PRRC2C: variants seen among roughly 807,000 people sequenced by gnomAD.
PRRC2C encodes proline rich coiled-coil 2C.
A neutral mutation model predicts 317.2 loss-of-function variants in PRRC2C; 72 were observed. The observed-to-expected ratio is 0.23, with a 90% CI of 0.19 to 0.28. The LOEUF is 0.28. PRRC2C is among the 10% of genes least tolerant of loss of function. The pLI, the probability that PRRC2C is intolerant of heterozygous loss-of-function variation, is 1.00. For synonymous variants in PRRC2C, 1,296 were observed against 1,205.9 expected (o/e 1.07, Z -1.55); for missense variants, 3,074 against 3,459.7 (o/e 0.89, Z 2.80).
chr1:171,538,677 T>G (rs2102475256), intron 15 of PRRC2C, among the ~76,000 whole-genome samples: 1 of 152,356 alleles, frequency 6.6e-6, no homozygotes, highest in African/African-American at 2.4e-5. Context: ...AACTTTGTTT[T>G]TCCTTAAGGA....
chr1:171,514,425 A>G lies in PRRC2C; in HGVS notation c.291-111A>G, dbSNP rs569499490. ...GAAAACATTTATTGGAGATTTACCA[A>G]TGAATAAACATATAGCCAAAATAAT... is the stretch of plus-strand genomic sequence containing the variant. On this transcript the variant is annotated intron_variant, in intron 3 of 34. Coordinates refer to ENST00000647382, the MANE Select transcript of PRRC2C (RefSeq NM_001387844.1). 145 of 746,174 alleles carry G rather than the reference A, an allele frequency of 1.9e-4. 1 individual carries two copies. Among genetic ancestry groups the G allele is most frequent in the Non-Finnish European group, 3.0e-4 (142 of 473,578 alleles). 46.2% of individuals were successfully genotyped at this position (746,174 alleles called of 1,614,324 possible).
At chr1:171,542,406 G>A (rs995702006) in intron 16 of PRRC2C, among the ~76,000 whole-genome samples, 177 bp downstream of exon 16, 2 of 152,208 alleles carry the variant, frequency 1.3e-5, no homozygotes, top group Admixed American at 6.5e-5. Context: ...GAGAGGTTAA[G>A]GTGTCTTAGG....
At chr1:171,561,356 G>A (rs1454393944) in intron 20 of PRRC2C, among the ~76,000 whole-genome samples, 3 of 152,176 alleles carry the variant, frequency 2.0e-5, no homozygotes, top group Non-Finnish European at 4.4e-5. Context: ...TGGAGCTGAG[G>A]TTGGACTGTC....
chr1:171,572,949 G>A (rs953827319), intron 24 of PRRC2C, among the ~76,000 whole-genome samples: 2 of 151,798 alleles, frequency 1.3e-5, no homozygotes, highest in African/African-American at 2.4e-5. Flanking sequence ...CCTTTTTGTT[G>A]GAGTAATACA....
At chr1:171,504,094 C>T (rs187769338) in intron 1 of PRRC2C, among the ~76,000 whole-genome samples, 2 of 152,256 alleles carry the variant, frequency 1.3e-5, no homozygotes, top group East Asian at 3.9e-4. Flanking sequence ...CATATGCTTA[C>T]TTACCATTTG....
chr1:171,569,046 A>G (rs1326642643), intron 23 of PRRC2C, among the ~76,000 whole-genome samples: 1 of 152,188 alleles, frequency 6.6e-6, no homozygotes, highest in Admixed American at 6.5e-5. Context: ...GCCCAGAAAC[A>G]TTAGGTAGCT....
intron 11 of PRRC2C, among the ~76,000 whole-genome samples, chr1:171,530,108 A>G (rs1396723056): frequency 6.6e-6 from 1 of 152,236 alleles, no homozygotes; most frequent in East Asian, 1.9e-4. Context: ...TCTTCGATAA[A>G]TAAGACCTTG....
intron 30 of PRRC2C, 106 bp downstream of exon 30, chr1:171,584,632 G>C (rs892657121): frequency 8.9e-6 from 12 of 1,340,966 alleles, no homozygotes; most frequent in Admixed American, 2.6e-5. Flanking sequence ...GATGGAGGAT[G>C]GTTTTTAAAC....
chr1:171,536,173 T>C lies in PRRC2C; in HGVS notation c.2188T>C (p.Leu730=). The C allele has an allele frequency of 6.2e-7, 1 of 1,612,318 alleles. No homozygotes were observed. Among genetic ancestry groups the C allele is most frequent in the Non-Finnish European group, 8.5e-7 (1 of 1,179,208 alleles). ...YQPMQPHPQH[L]ASMGFDPRWL... ...GCCTATGCAGCCTCATCCTCAGCAT[T>C]TGGCTTCTATGGGTTTTGATCCAAG... is the stretch of plus-strand genomic sequence containing the variant. The change falls in exon 14 of 35, where the codon TTG becomes CTG. Residue 730 remains leucine (L), a synonymous_variant. Transcript: ENST00000647382.
intron 23 of PRRC2C, among the ~76,000 whole-genome samples, chr1:171,570,212 A>C (rs1572066636): frequency 6.6e-6 from 1 of 152,200 alleles, no homozygotes; most frequent in East Asian, 1.9e-4. Context: ...AATGTCCTTC[A>C]TGGGAAAAAA....
intron 28 of PRRC2C, 41 bp downstream of exon 28, chr1:171,580,005 C>T (rs936047705): frequency 4.2e-6 from 6 of 1,421,560 alleles, no homozygotes; most frequent in Non-Finnish European, 5.6e-6. Flanking sequence ...ATGTTGAAAA[C>T]ATTGTAACTG....
At position 171,574,975 on chromosome 1, in the gene PRRC2C, A is replaced by G. The variant is rs751555936; in HGVS notation, c.6802A>G (p.Lys2268Glu). 2.5e-6 allele frequency: 4 copies of G among 1,613,902 alleles called. No homozygotes were observed. In the South Asian group the frequency reaches 4.4e-5, roughly 18 times the overall value. ...GGAGAATTCTCCAAATGTAAGGGAA[A>G]AGGGGTCTCCAGTAACTTCCACAGC... Reference protein sequence around the residue: ...AWENSPNVREKGSPVTSTAPP... With the variant: ...AWENSPNVREEGSPVTSTAPP... The change falls in exon 25 of 35, where the codon AAG becomes GAG. Residue 2268 changes from lysine to glutamate, a missense_variant. Around this residue, in one of 11 missense-constraint regions of PRRC2C, gnomAD observed 490 missense variants for 663.1 expected, o/e 0.74. Coordinates refer to ENST00000647382, the MANE Select transcript of PRRC2C (RefSeq NM_001387844.1).
chr1:171,496,199 C>CTTTTTTTTTTTTTT lies in PRRC2C; in HGVS notation c.-58+10475_-58+10488dup, dbSNP rs528654548. 4.2e-3 allele frequency among the ~76,000 whole-genome samples: 321 copies of CTTTTTTTTTTTTTT among 75,620 alleles called. 29 individuals carry two copies. Among genetic ancestry groups the CTTTTTTTTTTTTTT allele is most frequent in the Non-Finnish European group, 5.1e-3 (227 of 44,466 alleles). The allele number at this position is 75,620 out of a possible 152,430, so 49.6% of individuals were successfully genotyped here. A position where few individuals can be genotyped will look rare whatever the true frequency, so the allele number is the denominator to read the frequency against. ...ATTTTTAGAGCTTTGATTTTTGTGCCTTTTTTTTTTTTTTTTTTTTTTTTG... is the reference window on the plus strand; with the variant it reads ...ATTTTTAGAGCTTTGATTTTTGTGCCTTTTTTTTTTTTTTTTTTTTTTTTTTTTTTTTTTTTTTG... On this transcript the variant is annotated intron_variant, in intron 1 of 34. Transcript: ENST00000647382.
chr1:171,537,631 T>C (rs1050265507), intron 15 of PRRC2C, among the ~76,000 whole-genome samples, 158 bp downstream of exon 15: 1 of 152,222 alleles, frequency 6.6e-6, no homozygotes, highest in Non-Finnish European at 1.5e-5. Context: ...GGACATATTC[T>C]CTGTATTCAT....
At chr1:171,538,176 G>A (rs1288326320) in intron 15 of PRRC2C, among the ~76,000 whole-genome samples, 2 of 152,020 alleles carry the variant, frequency 1.3e-5, no homozygotes, top group African/African-American at 2.4e-5. Context: ...GGGTTTTGCC[G>A]TGTTGCCCAG....
At chr1:171,580,036 C>T in intron 28 of PRRC2C, 72 bp downstream of exon 28, 1 of 1,289,372 alleles carries the variant, frequency 7.8e-7, no homozygotes, top group Non-Finnish European at 1.0e-6. Context: ...TTGCCGTAAT[C>T]CATACTGTTC....
intron 6 of PRRC2C, among the ~76,000 whole-genome samples, chr1:171,518,521 A>G (rs548138288): frequency 4.5e-5 from 3 of 67,190 alleles, no homozygotes; most frequent in Non-Finnish European, 6.2e-5. Flanking sequence ...TTTTGGAGAC[A>G]GAGTCTTGCT....
chr1:171,539,898 A>T, intron 15 of PRRC2C, 73 bp from the exon 16 acceptor site: 2 of 1,229,654 alleles, frequency 1.6e-6, no homozygotes, highest in Non-Finnish European at 2.3e-6. Flanking sequence ...TTTTAGAGGG[A>T]TTATTTTGCT....
rs913297288 is a variant in PRRC2C, at chr1:171,488,942, TAAAA to T, written c.-58+3211_-58+3214del. On this transcript the variant is annotated intron_variant, in intron 1 of 34. Transcript: ENST00000647382. ...ATCATTTGAGGAGCACGTCTAGTATTAAAAAAACTATTGGGTATTATGTATGTAG... is the reference window on the plus strand; with the variant it reads ...ATCATTTGAGGAGCACGTCTAGTATTAAACTATTGGGTATTATGTATGTAG... Among the ~76,000 whole-genome samples, 6 of 152,280 alleles carry T rather than the reference TAAAA, an allele frequency of 3.9e-5. No individual in the cohort carries two copies. In the East Asian group the frequency reaches 1.2e-3, roughly 29 times the overall value.
Sources: gnomAD v4.1 joint callset for allele counts (sites outside exome capture counted in the v4.1 genomes callset) on GRCh38, gnomAD v4.1.1 for gene constraint, gnomAD v4.1.1 regional missense constraint, MANE v1.5 for transcripts, NCBI Gene and HGNC (gene_info 2026-07-23, HGNC 2026-07-21) for gene names.